ADGRL3: variants seen among roughly 807,000 people sequenced by gnomAD.
The protein encoded by ADGRL3 is calcium-independent alpha-latrotoxin receptor 3.
ADGRL3 carries 62 observed loss-of-function variants against 153.5 expected under a neutral mutation model. That is an observed-to-expected ratio of 0.40 (90% CI 0.33 to 0.50). The LOEUF is 0.50. ADGRL3 is among the 20% of genes least tolerant of loss of function. The pLI, the probability that ADGRL3 is intolerant of heterozygous loss-of-function variation, is 0.47. For missense variants in ADGRL3, 1,641 were observed against 1,859.4 expected (o/e 0.88, Z 2.16); for synonymous variants, 710 against 672.5 (o/e 1.06, Z -0.86).
chr4:61,830,692 C>A (rs1248611849), intron 9 of ADGRL3, among the ~76,000 whole-genome samples: 1 of 151,950 alleles, frequency 6.6e-6, no homozygotes, highest in Non-Finnish European at 1.5e-5. Flanking sequence ...TAGTAGGAAA[C>A]CGAATGCTAC....
At chr4:61,678,703 T>A (rs1215833069) in intron 6 of ADGRL3, among the ~76,000 whole-genome samples, 1 of 151,974 alleles carries the variant, frequency 6.6e-6, no homozygotes, top group East Asian at 1.9e-4. Flanking sequence ...TATATCAAAA[T>A]ATTTATCTAA....
chr4:61,874,777 C>A (rs1340844489), intron 9 of ADGRL3, among the ~76,000 whole-genome samples: 1 of 131,798 alleles, frequency 7.6e-6, no homozygotes, highest in Non-Finnish European at 1.6e-5. Context: ...TTTTCAACGA[C>A]ATCAAAATGC....
intron 1 of ADGRL3, among the ~76,000 whole-genome samples, chr4:61,284,411 G>A (rs2093848944): frequency 6.6e-6 from 1 of 151,710 alleles, no homozygotes; most frequent in Non-Finnish European, 1.5e-5. Flanking sequence ...GCTGCTACAA[G>A]AAACAGTGGA....
At chr4:61,618,721 T>C (rs1428701393) in intron 5 of ADGRL3, among the ~76,000 whole-genome samples, 2 of 152,122 alleles carry the variant, frequency 1.3e-5, no homozygotes, top group Admixed American at 1.3e-4. Context: ...TGTTCGTTTG[T>C]TTGTTTTGTT....
At chr4:61,487,117 T>A (rs1478231795) in intron 2 of ADGRL3, among the ~76,000 whole-genome samples, 1 of 152,218 alleles carries the variant, frequency 6.6e-6, no homozygotes, top group African/African-American at 2.4e-5. Context: ...TGAAAGCTCC[T>A]CACATAAGCT....
chr4:61,866,066 G>A (rs991116202), intron 9 of ADGRL3, among the ~76,000 whole-genome samples: 1 of 152,094 alleles, frequency 6.6e-6, no homozygotes, highest in African/African-American at 2.4e-5. Context: ...TACCTTTTCT[G>A]TGGATATCAC....
At chr4:61,586,766 C>T (rs1023961595) in intron 4 of ADGRL3, among the ~76,000 whole-genome samples, 2 of 151,846 alleles carry the variant, frequency 1.3e-5, no homozygotes, top group Non-Finnish European at 1.5e-5. Flanking sequence ...AAACAATGGA[C>T]GTATGTTGTA....
At chr4:61,723,513 G>A (rs1275435947) in intron 6 of ADGRL3, among the ~76,000 whole-genome samples, 1 of 152,186 alleles carries the variant, frequency 6.6e-6, no homozygotes, top group Non-Finnish European at 1.5e-5. Context: ...GGAGGCTGGA[G>A]GAGGCGGTGT....
At chr4:62,003,960 G>A (rs115100311) in intron 21 of ADGRL3, among the ~76,000 whole-genome samples, 2,210 of 151,952 alleles carry the variant, frequency 0.015, 55 homozygotes, top group African/African-American at 0.05. Context: ...ATCGCTTCAG[G>A]GATGAATAGT....
intron 5 of ADGRL3, among the ~76,000 whole-genome samples, chr4:61,601,687 C>T (rs554542167): frequency 6.6e-6 from 1 of 152,234 alleles, no homozygotes; most frequent in South Asian, 2.1e-4. Context: ...TCTATCATAC[C>T]TCATACCAGT....
intron 5 of ADGRL3, among the ~76,000 whole-genome samples, chr4:61,604,234 G>A (rs1384632956): frequency 6.6e-6 from 1 of 152,054 alleles, no homozygotes; most frequent in Non-Finnish European, 1.5e-5. Flanking sequence ...TTCTGATTTT[G>A]AGCTGAGACC....
chr4:61,874,691 A>G (rs1337513610), intron 9 of ADGRL3, among the ~76,000 whole-genome samples: 1 of 151,430 alleles, frequency 6.6e-6, no homozygotes, highest in African/African-American at 2.4e-5. Flanking sequence ...ACCATTATCC[A>G]GACAACTAAG....
intron 1 of ADGRL3, among the ~76,000 whole-genome samples, chr4:61,291,419 G>A (rs984339638): frequency 2.6e-5 from 4 of 151,740 alleles, no homozygotes; most frequent in African/African-American, 7.3e-5. Context: ...AGGTGACAAA[G>A]TGTATGGGAG....
At chr4:61,503,703 A>G (rs537373077) in intron 3 of ADGRL3, among the ~76,000 whole-genome samples, 1 of 152,170 alleles carries the variant, frequency 6.6e-6, no homozygotes, top group Non-Finnish European at 1.5e-5. Context: ...TAAAATTTCA[A>G]TTTTAAGTAA....
chr4:61,590,517 A>C (rs993852484), intron 5 of ADGRL3, among the ~76,000 whole-genome samples: 3 of 152,156 alleles, frequency 2.0e-5, no homozygotes, highest in Non-Finnish European at 4.4e-5. Flanking sequence ...GAAATATTTC[A>C]GTTGTTAACC....
chr4:61,416,445 G>GT (rs1384331402), intron 2 of ADGRL3, among the ~76,000 whole-genome samples: 61 of 152,180 alleles, frequency 4.0e-4, no homozygotes, highest in East Asian at 1.9e-4. Flanking sequence ...AAAGATATCT[G>GT]TTATTTAATT....
chr4:61,446,689 T>C (rs1445403782), intron 2 of ADGRL3, among the ~76,000 whole-genome samples: 1 of 152,208 alleles, frequency 6.6e-6, no homozygotes, highest in Non-Finnish European at 1.5e-5. Flanking sequence ...AATGTGGAGC[T>C]CTGAGTCCAA....
intron 21 of ADGRL3, among the ~76,000 whole-genome samples, chr4:62,011,900 G>T (rs2099188226): frequency 6.6e-6 from 1 of 151,892 alleles, no homozygotes; most frequent in Non-Finnish European, 1.5e-5. Flanking sequence ...TAGGAGTTTG[G>T]CTTGGCTGCT....
At chr4:61,641,433 C>T (rs2093665008) in intron 5 of ADGRL3, among the ~76,000 whole-genome samples, 1 of 109,512 alleles carries the variant, frequency 9.1e-6, no homozygotes. Context: ...CTATCCCTCC[C>T]CCCTCCCCCC....
Sources: gnomAD v4.1 joint callset for allele counts (sites outside exome capture counted in the v4.1 genomes callset) on GRCh38, gnomAD v4.1.1 for gene constraint, MANE v1.5 for transcripts, NCBI Gene and HGNC (gene_info 2026-07-23, HGNC 2026-07-21) for gene names.